Variants in ABTB2 observed in about 807,000 individuals in gnomAD.
ABTB2 encodes ankyrin repeat and BTB domain containing 2.
Under a neutral mutation model 104.1 loss-of-function variants are expected in ABTB2, and 56 were observed. The observed-to-expected ratio is 0.54, with a 90% CI of 0.43 to 0.67. The LOEUF (loss-of-function observed/expected upper bound fraction) is 0.67, where lower values mean the gene tolerates loss of function less well. ABTB2 is among the 30% of genes least tolerant of loss of function. The probability of loss-of-function intolerance (pLI) is 0.00; values close to 1 mark genes in which losing one functional copy is unlikely to be tolerated. For synonymous variants in ABTB2, 606 were observed against 608.2 expected, an observed-to-expected ratio of 1.00 and a Z score of 0.05; for missense variants, 1,279 against 1,407.7, an observed-to-expected ratio of 0.91 and a Z score of 1.46.
chr11:34,300,440 C>T (rs1043201300), intron 1 of ABTB2, among the ~76,000 whole-genome samples: 1 of 152,214 alleles, frequency 6.6e-6, no homozygotes, highest in Non-Finnish European at 1.5e-5. Context: ...GCTGCAAGTT[C>T]CAGTGCTATA....
At chr11:34,269,261 T>C (rs1457081747) in intron 1 of ABTB2, among the ~76,000 whole-genome samples, 2 of 152,174 alleles carry the variant, frequency 1.3e-5, no homozygotes, top group East Asian at 3.8e-4. Flanking sequence ...GCTCAGAGGA[T>C]GGAAGCACTC....
intron 16 of ABTB2, among the ~76,000 whole-genome samples, chr11:34,153,864 T>C (rs1852583078): frequency 6.6e-6 from 1 of 152,182 alleles, no homozygotes; most frequent in Admixed American, 6.5e-5. Flanking sequence ...TTCCTGAGTT[T>C]TGAGTCTGAG....
chr11:34,205,310 C>T (rs2955945), intron 1 of ABTB2, among the ~76,000 whole-genome samples: 141,185 of 152,260 alleles, frequency 0.93, 66,416 homozygotes, highest in East Asian at 1. Context: ...GTCCTAGCCA[C>T]GGGCCAAGTC....
chr11:34,299,013 G>A (rs1029548512), intron 1 of ABTB2, among the ~76,000 whole-genome samples: 1 of 152,176 alleles, frequency 6.6e-6, no homozygotes, highest in African/African-American at 2.4e-5. Flanking sequence ...TTTCAGGGAC[G>A]TCTGCATTAA....
At chr11:34,305,934 T>C (rs771459134) in intron 1 of ABTB2, among the ~76,000 whole-genome samples, 1 of 152,200 alleles carries the variant, frequency 6.6e-6, no homozygotes, top group Non-Finnish European at 1.5e-5. Context: ...AGTAATGTTA[T>C]CTAATATCAA....
At chr11:34,246,842 TTTTTC>T (rs1332301285) in intron 1 of ABTB2, among the ~76,000 whole-genome samples, 2 of 125,822 alleles carry the variant, frequency 1.6e-5, no homozygotes, top group African/African-American at 6.3e-5. Flanking sequence ...CTTTTTTTCT[TTTTTC>T]TTTTTTTTTT....
At position 34,151,250 on chromosome 11, in the gene ABTB2, A is replaced by T. The variant is rs954731207; in HGVS notation, c.*1137T>A. On this transcript the variant is annotated 3_prime_UTR_variant, in exon 17 of 17. Coordinates refer to ENST00000435224, the MANE Select transcript of ABTB2 (RefSeq NM_145804.3). ...TTTTTAAGGTGCGGCCAGACAGCTG[A>T]AGAAGTTGCACCCAGACAGACTGTG... 1 of 152,294 alleles carries T rather than the reference A, an allele frequency of 6.6e-6. No homozygotes were observed. The highest frequency in any genetic ancestry group is 2.4e-5 in the African/African-American group (1 of 41,454). The allele number at this position is 152,294 out of a possible 1,614,324, so 9.4% of individuals were successfully genotyped here.
chr11:34,183,017 C>T (rs935977359), intron 3 of ABTB2, among the ~76,000 whole-genome samples: 2 of 152,158 alleles, frequency 1.3e-5, no homozygotes, highest in African/African-American at 4.8e-5. Flanking sequence ...CACTCAGATT[C>T]TTCACCTGGT....
intron 2 of ABTB2, 108 bp from the exon 3 acceptor site, chr11:34,197,646 C>T: frequency 1.2e-6 from 1 of 802,330 alleles, no homozygotes; most frequent in East Asian, 2.7e-5. Context: ...AGCTCCCTTG[C>T]CTTAGTGCAT....
At chr11:34,298,302 ATCAT>A (rs1333468650) in intron 1 of ABTB2, among the ~76,000 whole-genome samples, 1 of 151,986 alleles carries the variant, frequency 6.6e-6, no homozygotes, top group African/African-American at 2.4e-5. Context: ...ACCAGACTCA[ATCAT>A]TCATGGCATA....
At chr11:34,214,061 C>T (rs2133046283) in intron 1 of ABTB2, among the ~76,000 whole-genome samples, 1 of 151,556 alleles carries the variant, frequency 6.6e-6, no homozygotes, top group South Asian at 2.1e-4. Context: ...TGTCCTTGAC[C>T]CGCAGTGGGT....
rs559141320 is a variant in ABTB2 at position 34,232,657 on chromosome 11, C to T, written c.884-27967G>A. 4.6e-5 allele frequency among the ~76,000 whole-genome samples: 7 copies of T among 152,140 alleles called. No individual in the cohort carries two copies. The East Asian group carries it at 5.8e-4, about 13-fold the overall frequency. On this transcript the variant is annotated intron_variant, in intron 1 of 16. Transcript: ENST00000435224. ...ATCCATTTGTTTGCAAAGTATTTAT[C>T]GAGCCCTTGGCCTTGGGTGCAGGGT... is the stretch of plus-strand genomic sequence containing the variant.
At position 34,162,730 on chromosome 11, in the gene ABTB2, G is replaced by A. The variant is rs372899837; in HGVS notation, c.2064C>T (p.Ala688=). ...ACGCATCACTTTCCTCCACACCCTC[G>A]GCCAGGATCTCCTCCAGGGACAGCA... ...ADVLSLEEIL[A]EGVEESDASS... Residue 688 remains alanine, a synonymous_variant, in exon 10 of 17, where the codon GCC becomes GCT. Transcript: ENST00000435224. 37 of 1,611,478 alleles carry A rather than the reference G, an allele frequency of 2.3e-5. No individual in the cohort carries two copies. The highest frequency in any genetic ancestry group is 1.5e-4 in the African/African-American group (11 of 74,902).
chr11:34,159,834 C>CT (rs1852682892), intron 13 of ABTB2, 72 bp downstream of exon 13: 3 of 1,263,902 alleles, frequency 2.4e-6, no homozygotes, highest in Non-Finnish European at 3.4e-6. Flanking sequence ...GAGTCACTCT[C>CT]TGTCACCTGG....
At position 34,225,718 on chromosome 11, in the gene ABTB2, G is replaced by A. The variant is rs887419996; in HGVS notation, c.884-21028C>T. On this transcript the variant is annotated intron_variant, in intron 1 of 16. Transcript: ENST00000435224. ...TGCGGTGAACCGAGATCGCGCCATT[G>A]CACTCTAGCCTGGGTAACAAGAGTG... is the stretch of plus-strand genomic sequence containing the variant. Among the ~76,000 whole-genome samples the A allele has an allele frequency of 5.3e-5, 8 of 152,024 alleles. 1 individual carries two copies. Among genetic ancestry groups the A allele is most frequent in the Admixed American group, 2.0e-4 (3 of 15,270 alleles).
At chr11:34,296,088 T>C (rs1854620825) in intron 1 of ABTB2, among the ~76,000 whole-genome samples, 1 of 152,168 alleles carries the variant, frequency 6.6e-6, no homozygotes, top group South Asian at 2.1e-4. Context: ...GCTATGATCA[T>C]GCCACTGTAC....
intron 1 of ABTB2, among the ~76,000 whole-genome samples, chr11:34,349,000 G>T (rs1184642496): frequency 6.6e-6 from 1 of 152,150 alleles, no homozygotes; most frequent in Non-Finnish European, 1.5e-5. Flanking sequence ...AATGATGCCG[G>T]CATGGCATTC....
chr11:34,248,857 G>A (rs967302964), intron 1 of ABTB2, among the ~76,000 whole-genome samples: 11 of 152,220 alleles, frequency 7.2e-5, no homozygotes, highest in South Asian at 2.1e-4. Context: ...ACAGCCGGGC[G>A]CGGTGGCTCA....
intron 1 of ABTB2, among the ~76,000 whole-genome samples, chr11:34,225,434 C>T (rs761905347): frequency 6.6e-6 from 1 of 152,246 alleles, no homozygotes; most frequent in Non-Finnish European, 1.5e-5. Context: ...CCCTCTTGGG[C>T]TCTAGCTTTC....
Sources: allele counts gnomAD v4.1 joint callset (sites outside exome capture counted in the v4.1 genomes callset), GRCh38; gene constraint gnomAD v4.1.1; transcripts MANE v1.5; gene names NCBI Gene and HGNC (gene_info 2026-07-23, HGNC 2026-07-21).